HEATR4: variants seen among roughly 807,000 people sequenced by gnomAD.
HEATR4 encodes the protein HEAT repeat-containing protein 4.
Under a neutral mutation model 108.8 loss-of-function variants are expected in HEATR4, and 95 were observed. The observed-to-expected ratio is 0.87, with a 90% CI of 0.74 to 1.04. HEATR4 has a LOEUF of 1.04. Ranked by LOEUF, HEATR4 falls within the 50% of genes least tolerant of loss-of-function variation. The probability of loss-of-function intolerance (pLI) is 0.00; values close to 1 mark genes in which losing one functional copy is unlikely to be tolerated. For synonymous variants in HEATR4, 443 were observed against 459.4 expected (o/e 0.96, Z 0.46); for missense variants, 1,152 against 1,253.8 (o/e 0.92, Z 1.23).
the HEATR4 span, among the ~76,000 whole-genome samples, chr14:73,615,094 A>AG: frequency 4.0e-5 from 6 of 150,306 alleles, no homozygotes; most frequent in South Asian, 1.3e-3. Flanking sequence ...ATCTCAAAAA[A>AG]AAAAACAAGG....
the HEATR4 span, among the ~76,000 whole-genome samples, chr14:73,610,259 G>C: frequency 6.7e-6 from 1 of 149,516 alleles, no homozygotes; most frequent in Non-Finnish European, 1.5e-5. Flanking sequence ...GCTTAACAAT[G>C]TTGCACCGAG....
At chr14:73,525,300 T>C (rs1888256851) in intron 2 of HEATR4, among the ~76,000 whole-genome samples, 2 of 152,186 alleles carry the variant, frequency 1.3e-5, no homozygotes, top group South Asian at 4.1e-4. Flanking sequence ...CTCAAAGCGT[T>C]GGGATTACAG....
the HEATR4 span, among the ~76,000 whole-genome samples, chr14:73,631,158 C>T: frequency 7.2e-5 from 11 of 152,020 alleles, no homozygotes; most frequent in African/African-American, 2.7e-4. Flanking sequence ...ATTGTTTCTC[C>T]CCAAATTTAG....
At chr14:73,491,400 C>T in intron 17 of HEATR4, 1 of 1,345,786 alleles carries the variant, frequency 7.4e-7, no homozygotes, top group Non-Finnish European at 9.5e-7. Context: ...GCTTCCGCGC[C>T]GCCCGCGCGC....
rs1474651954 is a variant in HEATR4 at position 73,546,441 on chromosome 14, A to G, written c.-152+12310T>C. ...GGCAGTAACATGATCTCAGCTCACT[A>G]CAGTCTTGATCTCCAAGGCTCAAGT... On this transcript the variant is annotated intron_variant, in intron 1 of 17. Coordinates refer to ENST00000553558, the MANE Select transcript of HEATR4 (RefSeq NM_001220484.1). Among the ~76,000 whole-genome samples, 2 of 107,890 alleles carry G rather than the reference A, an allele frequency of 1.9e-5. 1 individual carries two copies. Among genetic ancestry groups the G allele is most frequent in the Non-Finnish European group, 4.0e-5 (2 of 50,502 alleles). The allele number at this position is 107,890 out of a possible 152,430, so 70.8% of individuals were successfully genotyped here. A position where few individuals can be genotyped will look rare whatever the true frequency, so the allele number is the denominator to read the frequency against.
chr14:73,585,868 T>C, the HEATR4 span, among the ~76,000 whole-genome samples: 13 of 143,232 alleles, frequency 9.1e-5, no homozygotes, highest in Admixed American at 4.9e-4. Context: ...TCCCCTAGGC[T>C]GGAGTGCAGC....
intron 17 of HEATR4, chr14:73,491,110 C>T (rs762445621): frequency 6.2e-7 from 1 of 1,606,810 alleles, no homozygotes; most frequent in Non-Finnish European, 8.5e-7. Flanking sequence ...CGGTCCTGGC[C>T]CTGCCCTTGA....
chr14:73,574,352 C>A, the HEATR4 span: 26,694 of 169,816 alleles, frequency 0.16, 2,640 homozygotes, highest in East Asian at 0.33. Context: ...GCAAACTCCA[C>A]CTCCCAGGTT....
At chr14:73,577,930 A>T in the HEATR4 span, among the ~76,000 whole-genome samples, 1 of 151,660 alleles carries the variant, frequency 6.6e-6, no homozygotes, top group Non-Finnish European at 1.5e-5. Context: ...GGCTCACTGC[A>T]ACCTCCGCCT....
At chr14:73,603,956 T>G in the HEATR4 span, among the ~76,000 whole-genome samples, 2 of 152,012 alleles carry the variant, frequency 1.3e-5, no homozygotes, top group African/African-American at 2.4e-5. Context: ...ATGGTCCAGA[T>G]CTCTTGACCT....
In HEATR4 at chr14:73,503,041, C is replaced by T. The variant is rs184765328; in HGVS notation, c.1987-28G>A. Reference sequence around the variant, plus strand: ...ATAAATAGGTATGATCATTAGGTATCATCACTTAATGAATGTTAATTTTGT... The same window carrying T: ...ATAAATAGGTATGATCATTAGGTATTATCACTTAATGAATGTTAATTTTGT... On this transcript the variant is annotated intron_variant, in intron 10 of 17. Coordinates refer to ENST00000553558, the MANE Select transcript of HEATR4 (RefSeq NM_001220484.1). 5,544 of 1,497,976 alleles carry T rather than the reference C, an allele frequency of 3.7e-3. 20 individuals are homozygous for T. The highest frequency in any genetic ancestry group is 4.4e-3 in the Non-Finnish European group (4,761 of 1,076,134). The allele number at this position is 1,497,976 out of a possible 1,614,324, so 92.8% of individuals were successfully genotyped here.
intron 3 of HEATR4, 120 bp downstream of exon 3, chr14:73,522,152 T>C: frequency 6.8e-6 from 7 of 1,022,164 alleles, no homozygotes; most frequent in Non-Finnish European, 8.8e-6. Flanking sequence ...AGGCCGGTGG[T>C]GGAGAACATG....
the HEATR4 span, among the ~76,000 whole-genome samples, chr14:73,628,167 C>T: frequency 6.6e-6 from 1 of 152,070 alleles, no homozygotes; most frequent in Non-Finnish European, 1.5e-5. Flanking sequence ...CTGAAGCTAC[C>T]TAGGGGCTGC....
At chr14:73,614,078 G>C in the HEATR4 span, among the ~76,000 whole-genome samples, 59 of 149,536 alleles carry the variant, frequency 3.9e-4, no homozygotes, top group African/African-American at 1.4e-3. Flanking sequence ...GTGCATGCCT[G>C]TAGTCCCAGC....
chr14:73,504,002 T>C (rs1886649084), intron 10 of HEATR4, among the ~76,000 whole-genome samples: 1 of 152,182 alleles, frequency 6.6e-6, no homozygotes, highest in Non-Finnish European at 1.5e-5. Flanking sequence ...TACAAATGAA[T>C]TGGAAGTTGT....
intron 10 of HEATR4, among the ~76,000 whole-genome samples, chr14:73,504,076 CT>C (rs538654870): frequency 0.34 from 42,836 of 127,472 alleles, 5,782 homozygotes; most frequent in Admixed American, 0.35. Flanking sequence ...TTTTGCATTT[CT>C]TTTTTTTTTT....
At chr14:73,524,310 A>AAAAAAAAAAAATAT in intron 2 of HEATR4, among the ~76,000 whole-genome samples, 2 of 54,780 alleles carry the variant, frequency 3.7e-5, no homozygotes, top group African/African-American at 1.8e-4. Context: ...AAAAAAAAAA[A>AAAAAAAAAAAATAT]ATATATATAT....
the HEATR4 span, among the ~76,000 whole-genome samples, chr14:73,572,991 G>A: frequency 2.0e-5 from 3 of 151,598 alleles, no homozygotes; most frequent in Admixed American, 1.3e-4. Context: ...AACCTTTAAT[G>A]TAAATGATAA....
the HEATR4 span, among the ~76,000 whole-genome samples, chr14:73,583,463 AC>A: frequency 6.6e-6 from 1 of 151,716 alleles, no homozygotes; most frequent in Non-Finnish European, 1.5e-5. Flanking sequence ...CCCTTTAAAA[AC>A]CCTGTTATAG....
Sources: allele counts gnomAD v4.1 joint callset (sites outside exome capture counted in the v4.1 genomes callset), GRCh38; gene constraint gnomAD v4.1.1; transcripts MANE v1.5; gene names NCBI Gene and HGNC (gene_info 2026-07-23, HGNC 2026-07-21).